The following TNRC18 variants were observed in gnomAD, a reference collection of about 807,000 sequenced individuals.
TNRC18 encodes trinucleotide repeat containing 18.
A neutral mutation model predicts 226.7 loss-of-function variants in TNRC18; 69 were observed. The observed-to-expected ratio is 0.30, with a 90% CI of 0.25 to 0.37. The LOEUF is 0.37. Among genes scored for constraint, TNRC18 ranks in the 10% least tolerant of loss-of-function variants. TNRC18 has a pLI of 1.00. For synonymous variants in TNRC18, 2,449 were observed against 1,927.6 expected (o/e 1.27, Z -7.09); for missense variants, 4,754 against 4,256.6 (o/e 1.12, Z -3.25).
At chr7:5,334,103 A>G (rs1370951114) in intron 18 of TNRC18, among the ~76,000 whole-genome samples, 1 of 152,144 alleles carries the variant, frequency 6.6e-6, no homozygotes, top group Non-Finnish European at 1.5e-5. Flanking sequence ...AGGGAGAGCC[A>G]GTGGTCTGCC....
rs751690664 is a variant in TNRC18 at position 5,394,603 on chromosome 7, G to C, written c.188-8C>G. ...TGCCCAAGAAGGCCTCGCCTGCAGA[G>C]AGAAGTTGGGAGGACCGTCAGGCAG... On this transcript the variant is annotated splice_polypyrimidine_tract_variant and splice_region_variant and intron_variant, in intron 2 of 29. Transcript: ENST00000430969. This position sits in a 1 kb window ranked among gnomAD's most constrained non-coding sequence, Gnocchi z 4.5. The C allele has an allele frequency of 2.7e-5, 42 of 1,540,068 alleles. 4 individuals carry two copies. The Middle Eastern group carries it at 5.7e-3, about 207-fold the overall frequency.
rs1780567272 is a variant in TNRC18 at position 5,394,966 on chromosome 7, C to T, written c.188-371G>A. On this transcript the variant is annotated intron_variant, in intron 2 of 29. Transcript: ENST00000430969. The surrounding 1 kb of genome is among the most constrained non-coding windows in gnomAD (Gnocchi z 4.5). ...GCAGGTGGAATCCTGAAGTCGGTGG[C>T]GCACTGGGACTTCCAGAGGCCACAG... 1.3e-5 allele frequency among the ~76,000 whole-genome samples: 2 copies of T among 152,258 alleles called. No homozygotes were observed. Among genetic ancestry groups the T allele is most frequent in the East Asian group, 1.9e-4 (1 of 5,182 alleles).
intron 2 of TNRC18, among the ~76,000 whole-genome samples, chr7:5,409,044 T>C (rs1781670223): frequency 6.6e-6 from 1 of 152,194 alleles, no homozygotes; most frequent in Admixed American, 6.5e-5. Flanking sequence ...ACCGCTGAAT[T>C]CTTGCCTGTG....
chr7:5,380,916 C>G (rs1370619409), intron 5 of TNRC18, among the ~76,000 whole-genome samples: 1 of 152,200 alleles, frequency 6.6e-6, no homozygotes, highest in Non-Finnish European at 1.5e-5. Context: ...CCTCACGCCC[C>G]CTGGGTCCTC....
chr7:5,361,463 A>T, intron 14 of TNRC18, 131 bp downstream of exon 14: 1 of 1,154,834 alleles, frequency 8.7e-7, no homozygotes, highest in Non-Finnish European at 1.2e-6. Flanking sequence ...CCCGAGGGCC[A>T]CTGCTGCGGG....
At chr7:5,346,631 T>C (rs1009391913) in intron 17 of TNRC18, among the ~76,000 whole-genome samples, 1 of 150,982 alleles carries the variant, frequency 6.6e-6, no homozygotes, top group African/African-American at 2.4e-5. Context: ...CAACGCAGAG[T>C]CCCCGTGACT....
rs938084850 is a variant in TNRC18, at chr7:5,312,336, G to T, written c.8388+167C>A. 2.6e-5 allele frequency among the ~76,000 whole-genome samples: 4 copies of T among 152,200 alleles called. No individual in the cohort carries two copies. Among genetic ancestry groups the T allele is most frequent in the African/African-American group, 9.7e-5 (4 of 41,446 alleles). ...GAGTCCGACAGACCCAGGTGCCTGA[G>T]GACACTCTGAGACTCAGTGTACCCA... On this transcript the variant is annotated intron_variant, in intron 27 of 29. Transcript: ENST00000430969. The surrounding 1 kb of genome is among the most constrained non-coding windows in gnomAD (Gnocchi z 6.3).
intron 2 of TNRC18, among the ~76,000 whole-genome samples, chr7:5,416,065 T>C (rs1204998126): frequency 2.1e-5 from 3 of 144,250 alleles, no homozygotes; most frequent in African/African-American, 7.9e-5. Flanking sequence ...TGAGCCTAGA[T>C]CGTGCCACTG....
In TNRC18 at chr7:5,332,695, C is replaced by T. The variant is rs748741918; in HGVS notation, c.6074G>A (p.Arg2025His). The part of the protein sequence containing the change: ...VSTAPATKTS[R>H]CAKGGPLSPR... ...GCTCAGGGGGCCGCCCTTGGCGCAGCGGCTGGTCTTGGTGGCGGGCGCGGT... is the reference window on the plus strand; with the variant it reads ...GCTCAGGGGGCCGCCCTTGGCGCAGTGGCTGGTCTTGGTGGCGGGCGCGGT... Residue 2025 changes from arginine (R) to histidine (H), a missense_variant, in exon 19 of 30, where the codon CGC becomes CAC. Arg to His is a conservative substitution (Grantham distance 29). Coordinates refer to ENST00000430969, the MANE Select transcript of TNRC18 (RefSeq NM_001080495.3). 4 of 1,530,810 alleles carry T rather than the reference C, an allele frequency of 2.6e-6. No homozygotes were observed. The highest frequency in any genetic ancestry group is 3.5e-6 in the Non-Finnish European group (4 of 1,142,098). The allele number at this position is 1,530,810 out of a possible 1,614,324, so 94.8% of individuals were successfully genotyped here. A position where few individuals can be genotyped will look rare whatever the true frequency, so the allele number is the denominator to read the frequency against.
chr7:5,405,678 G>A (rs1426017439), intron 2 of TNRC18, among the ~76,000 whole-genome samples: 1 of 152,122 alleles, frequency 6.6e-6, no homozygotes, highest in African/African-American at 2.4e-5. Flanking sequence ...AGGAGGGGGA[G>A]GTTGCAATGA....
rs907069306 is a variant in TNRC18, at chr7:5,377,670, G to C, written c.2256-94C>G. The C allele has an allele frequency of 3.0e-6, 4 of 1,344,482 alleles. No homozygotes were observed. The Admixed American group carries it at 6.6e-5, about 22-fold the overall frequency. 83.3% of individuals were successfully genotyped at this position (1,344,482 alleles called of 1,614,324 possible). The stretch of plus-strand genomic sequence containing the variant: ...TGCCCCAAGGAACTGTTTGCCACCA[G>C]GCCATGAGTCAGGACAACCACTGCT... On this transcript the variant is annotated intron_variant, in intron 6 of 29. Transcript: ENST00000430969. This position sits in a 1 kb window ranked among gnomAD's most constrained non-coding sequence, Gnocchi z 5.8.
intron 16 of TNRC18, among the ~76,000 whole-genome samples, chr7:5,353,253 G>A (rs546230241): frequency 5.8e-4 from 88 of 152,216 alleles, no homozygotes; most frequent in Non-Finnish European, 1.2e-3. Context: ...AACCCACAGG[G>A]AGGTCGGGTG....
At chr7:5,393,952 C>T (rs1780479595) in intron 3 of TNRC18, among the ~76,000 whole-genome samples, 1 of 152,036 alleles carries the variant, frequency 6.6e-6, no homozygotes, top group Admixed American at 6.6e-5. Context: ...AGGTGATCTT[C>T]CCACCTCCAC....
chr7:5,335,081 C>T (rs1295115600), intron 18 of TNRC18, among the ~76,000 whole-genome samples: 1 of 151,600 alleles, frequency 6.6e-6, no homozygotes, highest in Non-Finnish European at 1.5e-5. Flanking sequence ...GCGGGCGGAT[C>T]ACCTGAGGTC....
Position 5,370,402 on chromosome 7 carries a change from G to A in TNRC18, c.4192C>T (p.Leu1398=). The change falls in exon 11 of 30, where the codon CTG becomes TTG. Residue 1398 remains leucine (L), a synonymous_variant. Transcript: ENST00000430969. ...TLLSEIAELE[L]ERRSQEMGGA... is the part of the protein sequence containing the mutation. ...CCCATCTCTTGGCTCCTCCTCTCCA[G>A]CTCCAGCTCTGCGATCTCACTTAGC... The A allele has an allele frequency of 6.4e-7, 1 of 1,550,392 alleles. No homozygotes were observed. The highest frequency in any genetic ancestry group is 8.7e-7 in the Non-Finnish European group (1 of 1,146,550).
chr7:5,347,890 G>C lies in TNRC18; in HGVS notation c.5471-2080C>G, dbSNP rs372757568. Among the ~76,000 whole-genome samples the C allele has an allele frequency of 4.6e-5, 7 of 152,006 alleles. No homozygotes were observed. In the South Asian group the frequency reaches 1.5e-3, roughly 32 times the overall value. ...GAATCACTTGAACCCCGGAGGCGGA[G>C]GTTACAGTGAGCCGCGATCGCCACT... is the stretch of plus-strand genomic sequence containing the variant. On this transcript the variant is annotated intron_variant, in intron 17 of 29. Transcript: ENST00000430969.
Position 5,421,324 on chromosome 7 carries a change from G to A in TNRC18, c.-78C>T, listed in dbSNP as rs1782574892. 2 of 1,203,014 alleles carry A rather than the reference G, an allele frequency of 1.7e-6. No homozygotes were observed. The highest frequency in any genetic ancestry group is 2.1e-6 in the Non-Finnish European group (2 of 962,002). 74.5% of individuals were successfully genotyped at this position (1,203,014 alleles called of 1,614,324 possible). ...AGTGGGACCTAAAAGTTCGGCCTCG[G>A]CGTAGTCCCAGAGTCCTCGGGCGGC... is the stretch of plus-strand genomic sequence containing the variant. On this transcript the variant is annotated 5_prime_UTR_variant, in exon 2 of 30. Transcript: ENST00000430969.
At position 5,345,767 on chromosome 7, in the gene TNRC18, C is replaced by T; in HGVS notation, c.5514G>A (p.Glu1838=). The change falls in exon 18 of 30, where the codon GAG becomes GAA. Residue 1838 remains glutamate, a synonymous_variant. Coordinates refer to ENST00000430969, the MANE Select transcript of TNRC18 (RefSeq NM_001080495.3). The part of the protein sequence containing the change: ...EEEDEEEELE[E]EDEASGGGYR... ...AGCCACCACCGCTGGCCTCGTCCTC[C>T]TCCTCGAGCTCCTCCTCCTCGTCCT... The T allele has an allele frequency of 6.5e-7, 1 of 1,546,862 alleles. No individual in the cohort carries two copies. Among genetic ancestry groups the T allele is most frequent in the Non-Finnish European group, 8.7e-7 (1 of 1,146,818 alleles).
chr7:5,410,932 G>T (rs930831505), intron 2 of TNRC18, among the ~76,000 whole-genome samples: 2 of 150,758 alleles, frequency 1.3e-5, no homozygotes, highest in Non-Finnish European at 3.0e-5. Context: ...AAGGCTGGGC[G>T]TGGTGGCTCA....
Sources: gnomAD v4.1 joint callset for allele counts (sites outside exome capture counted in the v4.1 genomes callset) on GRCh38, gnomAD v4.1.1 for gene constraint, Gnocchi (gnomAD v3.1) non-coding constraint, MANE v1.5 for transcripts, NCBI Gene and HGNC (gene_info 2026-07-23, HGNC 2026-07-21) for gene names.